IRF4: variants seen among roughly 807,000 people sequenced by gnomAD.
The protein encoded by IRF4 is interferon regulatory factor 4, also known as lymphocyte-specific interferon regulatory factor.
A neutral mutation model predicts 55.5 loss-of-function variants in IRF4; 13 were observed. The observed-to-expected ratio is 0.23, with a 90% CI of 0.15 to 0.37. IRF4 has a LOEUF of 0.37. IRF4 is among the 10% of genes least tolerant of loss of function. The pLI is 1.00. For synonymous variants in IRF4, 249 were observed against 240.7 expected (o/e 1.03, Z -0.32); for missense variants, 397 against 593.8 (o/e 0.67, Z 3.44).
At chr6:401,035 C>A (rs1243347932) in intron 6 of IRF4, among the ~76,000 whole-genome samples, 2 of 152,154 alleles carry the variant, frequency 1.3e-5, no homozygotes, top group Non-Finnish European at 2.9e-5. Context: ...TCATAATTCA[C>A]AAATAAGACT....
rs538106906 is a variant in IRF4, at chr6:409,861, A to G, written c.*2263A>G. On this transcript the variant is annotated 3_prime_UTR_variant, in exon 9 of 9. Transcript: ENST00000380956. ...TTCTCCAAGCGGATGCTCCATTTCAATTGCTTTGTGACTTCTTCTTCTTTG... is the reference window on the plus strand; with the variant it reads ...TTCTCCAAGCGGATGCTCCATTTCAGTTGCTTTGTGACTTCTTCTTCTTTG... 2.1e-4 allele frequency: 49 copies of G among 229,604 alleles called. No individual in the cohort carries two copies. Among genetic ancestry groups the G allele is most frequent in the African/African-American group, 9.3e-4 (42 of 45,232 alleles). The allele number at this position is 229,604 out of a possible 1,614,324, so 14.2% of individuals were successfully genotyped here. A position where few individuals can be genotyped will look rare whatever the true frequency, so the allele number is the denominator to read the frequency against.
In IRF4 at chr6:392,866, A is replaced by G. The variant is rs79324228; in HGVS notation, c.-55-232A>G. Among the ~76,000 whole-genome samples, 19,118 of 151,882 alleles carry G rather than the reference A, an allele frequency of 0.13. 1,746 individuals are homozygous for G. Among genetic ancestry groups the G allele is most frequent in the African/African-American group, 0.25 (10,210 of 41,400 alleles). ...CGTTACAGGAGAGCAGGCGGGTAGG[A>G]GCCTTCGCGGGGGCCGAGCTCGGAA... On this transcript the variant is annotated intron_variant, in intron 1 of 8. Coordinates refer to ENST00000380956, the MANE Select transcript of IRF4 (RefSeq NM_002460.4).
At chr6:401,352 CT>C in intron 6 of IRF4, 71 bp from the exon 7 acceptor site, 2 of 1,155,856 alleles carry the variant, frequency 1.7e-6, no homozygotes, top group Non-Finnish European at 2.5e-6. Flanking sequence ...AGGTGCTTGG[CT>C]CTGTGGAGTC....
rs534126080 is a variant in IRF4 at position 402,438 on chromosome 6, C to T, written c.1099+661C>T. On this transcript the variant is annotated intron_variant, in intron 7 of 8. Transcript: ENST00000380956. ...GGCTGTCCAGGTGGAGGGAGCCTCC[C>T]GCGTGGGAGGGAGCTGCTCTACCCG... is the stretch of plus-strand genomic sequence containing the variant. Among the ~76,000 whole-genome samples, 17 of 152,132 alleles carry T rather than the reference C, an allele frequency of 1.1e-4. No homozygotes were observed. In the South Asian group the frequency reaches 1.9e-3, roughly 17 times the overall value.
At position 401,526 on chromosome 6, in the gene IRF4, A is replaced by G; in HGVS notation, c.848A>G (p.Asp283Gly). The G allele has an allele frequency of 6.2e-7, 1 of 1,614,090 alleles. No individual in the cohort carries two copies. Among genetic ancestry groups the G allele is most frequent in the Non-Finnish European group, 8.5e-7 (1 of 1,180,032 alleles). The change falls in exon 7 of 9, where the codon GAC becomes GGC. Residue 283 changes from aspartate to glycine, a missense_variant. Around this residue, in one of 3 missense-constraint regions of IRF4, gnomAD observed 341 missense variants for 548.1 expected, o/e 0.62. Coordinates refer to ENST00000380956, the MANE Select transcript of IRF4 (RefSeq NM_002460.4). The stretch of plus-strand genomic sequence containing the variant: ...CGGATCTCCCATGGACATACGTATG[A>G]CGCCAGCAACCTGGACCAGGTCCTG... ...GCRISHGHTY[D>G]ASNLDQVLFP...
intron 6 of IRF4, 38 bp downstream of exon 6, chr6:398,973 G>A (rs1478156826): frequency 7.2e-7 from 1 of 1,382,906 alleles, no homozygotes. Context: ...ACCGCAGGAG[G>A]CCAGCCTCTG....
chr6:411,090 G>A lies in IRF4; in HGVS notation c.*3492G>A. ...CGTGAGAGAAGGGCCAGGCCGGCAG[G>A]CCAACCCTCCTCCAATGGAAATTCC... On this transcript the variant is annotated 3_prime_UTR_variant, in exon 9 of 9. Transcript: ENST00000380956. The A allele has an allele frequency of 4.3e-6, 1 of 233,322 alleles. No homozygotes were observed. The highest frequency in any genetic ancestry group is 8.5e-6 in the Non-Finnish European group (1 of 117,994). 14.5% of individuals were successfully genotyped at this position (233,322 alleles called of 1,614,324 possible). A position where few individuals can be genotyped will look rare whatever the true frequency, so the allele number is the denominator to read the frequency against.
intron 8 of IRF4, among the ~76,000 whole-genome samples, chr6:406,532 ACT>A (rs1761547973): frequency 6.9e-6 from 1 of 145,984 alleles, no homozygotes; most frequent in African/African-American, 2.4e-5. Context: ...ACAGAGTGAG[ACT>A]CTGTCTCAAA....
chr6:392,612 G>C (rs1761135542), intron 1 of IRF4, among the ~76,000 whole-genome samples: 1 of 152,272 alleles, frequency 6.6e-6, no homozygotes, highest in African/African-American at 2.4e-5. Flanking sequence ...ACCCGGGGCT[G>C]CGCCCCTGGA....
intron 6 of IRF4, among the ~76,000 whole-genome samples, chr6:401,010 TCAC>T (rs1761382190): frequency 6.6e-6 from 1 of 152,190 alleles, no homozygotes. Flanking sequence ...TTAAATGACA[TCAC>T]CACTATCATC....
At chr6:397,477 C>G in intron 5 of IRF4, 2 of 534,602 alleles carry the variant, frequency 3.7e-6, no homozygotes. Flanking sequence ...TTCGTGGGAT[C>G]TTATTTAAAC....
At position 391,888 on chromosome 6, in the gene IRF4, C is replaced by T. The variant is rs73365805; in HGVS notation, c.-56+79C>T. On this transcript the variant is annotated intron_variant, in intron 1 of 8. Coordinates refer to ENST00000380956, the MANE Select transcript of IRF4 (RefSeq NM_002460.4). ...CCCGGAGCGCGAACCAGAGGTTCGA[C>T]CTCCAGGGCAGCGCAGGGTACCCCG... 1,707 of 452,074 alleles carry T rather than the reference C, an allele frequency of 3.8e-3. 24 individuals carry two copies. The highest frequency in any genetic ancestry group is 0.031 in the African/African-American group (1,552 of 50,062). The allele number at this position is 452,074 out of a possible 1,614,324, so 28.0% of individuals were successfully genotyped here.
intron 6 of IRF4, among the ~76,000 whole-genome samples, chr6:400,334 G>A (rs1761364869): frequency 1.3e-5 from 2 of 152,100 alleles, no homozygotes; most frequent in South Asian, 2.1e-4. Context: ...ACTCCCCTGC[G>A]GTCTGGCTGA....
At chr6:403,572 C>A (rs573190932) in intron 7 of IRF4, among the ~76,000 whole-genome samples, 1 of 152,182 alleles carries the variant, frequency 6.6e-6, no homozygotes, top group South Asian at 2.1e-4. Context: ...AGGGGGTGGA[C>A]GCCTGTGAGT....
intron 6 of IRF4, among the ~76,000 whole-genome samples, chr6:401,052 G>A (rs1039537928): frequency 1.3e-5 from 2 of 152,094 alleles, no homozygotes; most frequent in African/African-American, 4.8e-5. Flanking sequence ...GACTTAGCAA[G>A]TTCTTAATAG....
intron 1 of IRF4, among the ~76,000 whole-genome samples, chr6:392,322 G>A (rs1761126328): frequency 6.6e-6 from 1 of 152,242 alleles, no homozygotes; most frequent in South Asian, 2.1e-4. Context: ...TCCGAGCCTT[G>A]CGTGCGGTGG....
intron 8 of IRF4, among the ~76,000 whole-genome samples, chr6:405,713 C>G (rs556805935): frequency 6.6e-6 from 1 of 152,284 alleles, no homozygotes; most frequent in East Asian, 1.9e-4. Context: ...TCGTAATGTT[C>G]TCTAGCATAG....
chr6:392,932 G>A (rs937975872), intron 1 of IRF4, among the ~76,000 whole-genome samples, 166 bp from the exon 2 acceptor site: 1 of 152,078 alleles, frequency 6.6e-6, no homozygotes, highest in African/African-American at 2.4e-5. Context: ...GCCCGGGCCG[G>A]CCGCGAAGGT....
In IRF4 at chr6:409,939, GCTT is replaced by G. The variant is rs1454878987; in HGVS notation, c.*2345_*2347del. ...AGTGGAGCTGAATTTTCTGGAAAATGCTTCTTGGCTGGGGCCACTACCTCCTTT... is the reference window on the plus strand; with the variant it reads ...AGTGGAGCTGAATTTTCTGGAAAATGCTTGGCTGGGGCCACTACCTCCTTT... On this transcript the variant is annotated 3_prime_UTR_variant, in exon 9 of 9. Coordinates refer to ENST00000380956, the MANE Select transcript of IRF4 (RefSeq NM_002460.4). The G allele has an allele frequency of 1.0e-4, 24 of 229,354 alleles. 1 individual carries two copies. The highest frequency in any genetic ancestry group is 5.3e-4 in the African/African-American group (24 of 45,248). 14.2% of individuals were successfully genotyped at this position (229,354 alleles called of 1,614,324 possible).
Sources: gnomAD v4.1 joint callset for allele counts (sites outside exome capture counted in the v4.1 genomes callset) on GRCh38, gnomAD v4.1.1 for gene constraint, gnomAD v4.1.1 regional missense constraint, MANE v1.5 for transcripts, NCBI Gene and HGNC (gene_info 2026-07-23, HGNC 2026-07-21) for gene names.